Variants in MLIP observed in about 807,000 individuals in gnomAD.
MLIP encodes the protein muscular LMNA interacting protein, also known as muscular LMNA-interacting protein.
A neutral mutation model predicts 84.8 loss-of-function variants in MLIP; 79 were observed. The ratio of observed to expected loss-of-function variants is 0.93; its 90% CI spans 0.78 to 1.12. The LOEUF (loss-of-function observed/expected upper bound fraction) is 1.12. MLIP is among the 50% of genes most tolerant of loss of function. The pLI, the probability that MLIP is intolerant of heterozygous loss-of-function variation, is 0.00. For missense variants in MLIP, 1,257 were observed against 1,160.6 expected (o/e 1.08, Z -1.21); for synonymous variants, 504 against 463.0 (o/e 1.09, Z -1.14).
rs528464232 is a variant in MLIP, at chr6:54,091,357, A to G, written c.64-30090A>G. ...GCCACTTAATTAAATATGGAAAATT[A>G]TGGAAAATTATGAAATCTATATTCC... is the stretch of plus-strand genomic sequence containing the variant. On this transcript the variant is annotated intron_variant, in intron 1 of 12. Coordinates refer to the MLIP transcript ENST00000274897. Among the ~76,000 whole-genome samples the G allele has an allele frequency of 5.6e-4, 85 of 152,334 alleles. 1 individual carries two copies. In the South Asian group the frequency reaches 0.017, roughly 30 times the overall value.
At chr6:54,164,510 GT>G (rs1774984382) in intron 8 of MLIP, among the ~76,000 whole-genome samples, 1 of 151,708 alleles carries the variant, frequency 6.6e-6, no homozygotes, top group African/African-American at 2.4e-5. Context: ...CATCCTTTTA[GT>G]TTACAGCTCT....
chr6:54,019,880 C>G (rs745327258), intron 1 of MLIP, among the ~76,000 whole-genome samples: 1 of 152,030 alleles, frequency 6.6e-6, no homozygotes, highest in Admixed American at 6.6e-5. Flanking sequence ...GATATTAAAA[C>G]TAGAAAAATG....
chr6:54,024,045 T>C (rs562454637), intron 1 of MLIP, among the ~76,000 whole-genome samples: 19 of 152,320 alleles, frequency 1.2e-4, no homozygotes, highest in Non-Finnish European at 2.5e-4. Flanking sequence ...CGAGTTTCAC[T>C]CTTGTTGCCC....
At chr6:54,054,811 G>C (rs1464648465) in intron 1 of MLIP, among the ~76,000 whole-genome samples, 2 of 152,060 alleles carry the variant, frequency 1.3e-5, no homozygotes, top group Non-Finnish European at 2.9e-5. Flanking sequence ...ATTTTCTCAA[G>C]GAGCCAGACC....
chr6:54,064,450 A>G lies in MLIP; in HGVS notation c.63+45359A>G, dbSNP rs1345899541. On this transcript the variant is annotated intron_variant, in intron 1 of 12. Transcript: ENST00000274897. ...AATCTCAAGACTCAAAGTCTCTTTC[A>G]AAAGCCCTTCAAACTTTGGTAACTA... 4.0e-5 allele frequency among the ~76,000 whole-genome samples: 4 copies of G among 100,266 alleles called. 1 individual carries two copies. The highest frequency in any genetic ancestry group is 1.0e-4 in the African/African-American group (4 of 39,130). 65.8% of individuals were successfully genotyped at this position (100,266 alleles called of 152,430 possible). A position where few individuals can be genotyped will look rare whatever the true frequency, so the allele number is the denominator to read the frequency against.
chr6:54,109,997 T>TC (rs1312528865), upstream of MLIP, among the ~76,000 whole-genome samples: 1 of 95,100 alleles, frequency 1.1e-5, no homozygotes, highest in Non-Finnish European at 2.4e-5. Context: ...TTTTCTTTTT[T>TC]TTTTTGACGG....
chr6:54,105,043 C>G (rs1768912721), intron 1 of MLIP, among the ~76,000 whole-genome samples: 2 of 152,164 alleles, frequency 1.3e-5, no homozygotes, highest in African/African-American at 4.8e-5. Context: ...TAACGCTGAT[C>G]TAGAACCTCA....
chr6:54,154,443 C>T (rs949701817), intron 5 of MLIP, among the ~76,000 whole-genome samples: 2 of 152,058 alleles, frequency 1.3e-5, no homozygotes, highest in African/African-American at 4.8e-5. Context: ...CAAAGGCTGC[C>T]GTATTGAATA....
chr6:54,099,151 A>G (rs1217552050), intron 1 of MLIP, among the ~76,000 whole-genome samples: 1 of 152,208 alleles, frequency 6.6e-6, no homozygotes, highest in African/African-American at 2.4e-5. Flanking sequence ...AGAAGGAATT[A>G]GTTTGTTGTA....
intron 12 of MLIP, among the ~76,000 whole-genome samples, chr6:54,233,717 TG>T (rs1046787774): frequency 3.4e-5 from 5 of 147,582 alleles, no homozygotes; most frequent in African/African-American, 9.7e-5. Context: ...CTGGATCAAA[TG>T]GTATTTCTGG....
intron 12 of MLIP, among the ~76,000 whole-genome samples, chr6:54,234,397 C>T (rs1230630077): frequency 2.6e-5 from 4 of 152,150 alleles, no homozygotes; most frequent in African/African-American, 2.4e-5. Context: ...CTTATTATCA[C>T]TAAGCTTTCT....
chr6:54,148,941 TA>T, intron 4 of MLIP, 114 bp from the exon 5 acceptor site: 1 of 775,892 alleles, frequency 1.3e-6, no homozygotes, highest in Non-Finnish European at 2.1e-6. Flanking sequence ...TTCAGCATAA[TA>T]ACCCTTTTCT....
chr6:54,046,342 G>A (rs1376327712), intron 1 of MLIP: 3 of 145,092 alleles, frequency 2.1e-5, no homozygotes, highest in African/African-American at 7.8e-5. Context: ...TTAATACATT[G>A]TCATTATAGA....
intron 12 of MLIP, among the ~76,000 whole-genome samples, chr6:54,235,873 C>A (rs539899628): frequency 6.3e-4 from 96 of 152,210 alleles, no homozygotes; most frequent in African/African-American, 2.3e-3. Context: ...TCATTCCTTT[C>A]TGTTATATAA....
At chr6:54,185,258 TAA>T (rs1348985061) in intron 9 of MLIP, among the ~76,000 whole-genome samples, 14 of 152,202 alleles carry the variant, frequency 9.2e-5, no homozygotes, top group African/African-American at 3.4e-4. Context: ...ATAAAACATA[TAA>T]GTCACTATTC....
Position 54,124,720 on chromosome 6 carries a change from C to T in MLIP, c.500C>T (p.Thr167Ile), listed in dbSNP as rs1770765824. 1 of 1,614,182 alleles carries T rather than the reference C, an allele frequency of 6.2e-7. No individual in the cohort carries two copies. Among genetic ancestry groups the T allele is most frequent in the Non-Finnish European group, 8.5e-7 (1 of 1,180,030 alleles). The change falls in exon 3 of 14, where the codon ACC (threonine) becomes ATC (isoleucine). Residue 167 changes from threonine to isoleucine, a missense_variant. Thr to Ile is a moderately conservative substitution (Grantham distance 89). Transcript: ENST00000502396. ...VEQGPPGGIGTAAVRPKSLAI... is the reference protein window; with the variant it reads ...VEQGPPGGIGIAAVRPKSLAI... ...CAAGGCCCCCCAGGGGGGATTGGCA[C>T]CGCAGCTGTCCGGCCCAAGTCTCTA...
intron 12 of MLIP, among the ~76,000 whole-genome samples, chr6:54,242,917 CAG>C (rs888808098): frequency 1.3e-5 from 2 of 152,116 alleles, no homozygotes; most frequent in African/African-American, 4.8e-5. Flanking sequence ...TCTAGGAACT[CAG>C]GAGTCTGGAA....
chr6:54,254,108 C>T (rs540994656), intron 12 of MLIP, among the ~76,000 whole-genome samples: 5 of 147,642 alleles, frequency 3.4e-5, no homozygotes, highest in African/African-American at 5.1e-5. Context: ...CATTCACCTA[C>T]GTAGAACTTG....
intron 12 of MLIP, among the ~76,000 whole-genome samples, chr6:54,254,129 G>C (rs1582641059): frequency 7.7e-6 from 1 of 129,558 alleles, no homozygotes; most frequent in Non-Finnish European, 1.6e-5. Flanking sequence ...TTTTTTTGCT[G>C]TTTTTTTTTT....
Sources: allele counts gnomAD v4.1 joint callset (sites outside exome capture counted in the v4.1 genomes callset), GRCh38; gene constraint gnomAD v4.1.1; transcripts MANE v1.5; gene names NCBI Gene and HGNC (gene_info 2026-07-23, HGNC 2026-07-21).